Variants in LRP12 observed in about 807,000 individuals in gnomAD.
The protein encoded by LRP12 is low-density lipoprotein receptor-related protein 12.
In LRP12, 14 loss-of-function variants were observed where a neutral mutation model predicts 66.0. The ratio of observed to expected loss-of-function variants is 0.21; its 90% CI spans 0.14 to 0.33. LRP12 has a LOEUF of 0.33. Ranked by LOEUF, LRP12 falls within the 10% of genes least tolerant of loss-of-function variation. The pLI, the probability that LRP12 is intolerant of heterozygous loss-of-function variation, is 1.00. For missense variants in LRP12, 889 were observed against 1,053.4 expected (o/e 0.84, Z 2.16); for synonymous variants, 357 against 359.1 (o/e 0.99, Z 0.07).
At chr8:104,575,475 C>G (rs956063502) in intron 1 of LRP12, among the ~76,000 whole-genome samples, 2 of 152,166 alleles carry the variant, frequency 1.3e-5, no homozygotes, top group African/African-American at 2.4e-5. Flanking sequence ...CAATACAAGT[C>G]CCCCAGAGTT....
chr8:104,548,283 T>C (rs1374439177), intron 1 of LRP12, among the ~76,000 whole-genome samples: 1 of 83,610 alleles, frequency 1.2e-5, no homozygotes, highest in Non-Finnish European at 1.9e-5. Flanking sequence ...ATTATATTAA[T>C]ATATCATATA....
chr8:104,490,700 A>G lies in LRP12; in HGVS notation c.2553T>C (p.Ser851=), dbSNP rs768612190. 6.2e-7 allele frequency: 1 copy of G among 1,612,920 alleles called. No individual in the cohort carries two copies. The highest frequency in any genetic ancestry group is 1.1e-5 in the South Asian group (1 of 90,842). ...AACAAAGTAACAAAGCCTCATCATC[A>G]CTCGTTTCGTTTTTCAGTGTTACTT... ...CLEVTLKNET[S]DDEALLLC Residue 851 remains serine, a synonymous_variant, in exon 7 of 7, where the codon AGT becomes AGC. Coordinates refer to ENST00000276654, the MANE Select transcript of LRP12 (RefSeq NM_013437.5).
Position 104,581,304 on chromosome 8 carries a change from C to G in LRP12, c.79+7515G>C, listed in dbSNP as rs569130224. Among the ~76,000 whole-genome samples the G allele has an allele frequency of 1.2e-3, 184 of 151,840 alleles. 3 individuals carry two copies. The Middle Eastern group carries it at 0.034, about 28-fold the overall frequency. The stretch of plus-strand genomic sequence containing the variant: ...GCCTGTCAGAAGGTGGCGGGTGGGA[C>G]AAAGGAGAGGATCAGAAAAAATAAC... On this transcript the variant is annotated intron_variant, in intron 1 of 6. Transcript: ENST00000276654.
At chr8:104,512,761 T>A (rs1811016942) in intron 2 of LRP12, among the ~76,000 whole-genome samples, 1 of 152,146 alleles carries the variant, frequency 6.6e-6, no homozygotes, top group African/African-American at 2.4e-5. Flanking sequence ...CTGAAGATTC[T>A]AGTATGGTAC....
intron 1 of LRP12, among the ~76,000 whole-genome samples, chr8:104,561,313 A>G (rs1275958606): frequency 6.6e-6 from 1 of 152,200 alleles, no homozygotes; most frequent in Non-Finnish European, 1.5e-5. Flanking sequence ...TGACAGAAGA[A>G]GACATACACT....
chr8:104,493,044 C>T (rs1810662152), intron 6 of LRP12, among the ~76,000 whole-genome samples: 1 of 152,162 alleles, frequency 6.6e-6, no homozygotes, highest in Non-Finnish European at 1.5e-5. Context: ...ATGCCTTCAA[C>T]ATACTTTATT....
chr8:104,503,503 T>C (rs966817329), intron 3 of LRP12, among the ~76,000 whole-genome samples: 1 of 152,272 alleles, frequency 6.6e-6, no homozygotes, highest in East Asian at 1.9e-4. Context: ...TAGTACTTTG[T>C]GTAATAAAAG....
In LRP12 at chr8:104,555,323, A is replaced by G. The variant is rs549072542; in HGVS notation, c.80-23360T>C. 2.0e-5 allele frequency among the ~76,000 whole-genome samples: 3 copies of G among 152,326 alleles called. No homozygotes were observed. The South Asian group carries it at 6.2e-4, about 32-fold the overall frequency. ...AAAGAATAGTACCTCGCATTTCAATACCAACATCGAAGGTAAATGGCCTAA... is the reference window on the plus strand; with the variant it reads ...AAAGAATAGTACCTCGCATTTCAATGCCAACATCGAAGGTAAATGGCCTAA... On this transcript the variant is annotated intron_variant, in intron 1 of 6. Coordinates refer to ENST00000276654, the MANE Select transcript of LRP12 (RefSeq NM_013437.5).
chr8:104,576,366 G>A lies in LRP12; in HGVS notation c.79+12453C>T, dbSNP rs112005679. 4.9e-3 allele frequency among the ~76,000 whole-genome samples: 746 copies of A among 152,180 alleles called. 8 individuals carry two copies. The highest frequency in any genetic ancestry group is 0.017 in the African/African-American group (707 of 41,506). The stretch of plus-strand genomic sequence containing the variant: ...AGAAAAAATATTAAAGGTAGCTAGA[G>A]AGAAAAAGCAGGTCACCTACAAAGG... On this transcript the variant is annotated intron_variant, in intron 1 of 6. Transcript: ENST00000276654.
At chr8:104,492,666 T>C (rs1414296666) in intron 6 of LRP12, among the ~76,000 whole-genome samples, 1 of 152,170 alleles carries the variant, frequency 6.6e-6, no homozygotes, top group East Asian at 1.9e-4. Flanking sequence ...GCTTTCCATA[T>C]AGGCCCTTCC....
chr8:104,490,421 AC>A lies in LRP12; in HGVS notation c.*251del, dbSNP rs1810598025. 4 of 397,416 alleles carry A rather than the reference AC, an allele frequency of 1.0e-5. No individual in the cohort carries two copies. In the South Asian group the frequency reaches 1.6e-4, roughly 16 times the overall value. 24.6% of individuals were successfully genotyped at this position (397,416 alleles called of 1,614,324 possible). A position where few individuals can be genotyped will look rare whatever the true frequency, so the allele number is the denominator to read the frequency against. On this transcript the variant is annotated 3_prime_UTR_variant, in exon 7 of 7. Transcript: ENST00000276654. ...AGTGAACTACAGTATCAGGATGAAA[AC>A]AATCAGAAACAAATGAAAGGACATT... is the stretch of plus-strand genomic sequence containing the variant.
chr8:104,500,782 T>C (rs1372071577), intron 3 of LRP12, among the ~76,000 whole-genome samples: 1 of 151,998 alleles, frequency 6.6e-6, no homozygotes, highest in Non-Finnish European at 1.5e-5. Flanking sequence ...AACAAGAATT[T>C]CTCTAGGACA....
At chr8:104,539,643 T>A (rs561137921) in intron 1 of LRP12, among the ~76,000 whole-genome samples, 1 of 152,264 alleles carries the variant, frequency 6.6e-6, no homozygotes, top group Admixed American at 6.5e-5. Flanking sequence ...CCTCTCAGTA[T>A]CTTAATCTAG....
At chr8:104,565,240 A>G (rs969616789) in intron 1 of LRP12, among the ~76,000 whole-genome samples, 1 of 152,170 alleles carries the variant, frequency 6.6e-6, no homozygotes, top group African/African-American at 2.4e-5. Flanking sequence ...CACAATAAGT[A>G]TTTTAGAATA....
chr8:104,587,857 TC>T (rs1812358335), intron 1 of LRP12, among the ~76,000 whole-genome samples: 1 of 152,154 alleles, frequency 6.6e-6, no homozygotes, highest in Non-Finnish European at 1.5e-5. Context: ...AGAGCAACAC[TC>T]CAAAAAGGAA....
chr8:104,517,272 G>A (rs2140849886), intron 2 of LRP12, among the ~76,000 whole-genome samples: 1 of 151,162 alleles, frequency 6.6e-6, no homozygotes, highest in Non-Finnish European at 1.5e-5. Context: ...TAGACATGGT[G>A]TAATTAAACA....
At chr8:104,510,576 G>A (rs534308270) in intron 2 of LRP12, among the ~76,000 whole-genome samples, 1 of 152,160 alleles carries the variant, frequency 6.6e-6, no homozygotes, top group Non-Finnish European at 1.5e-5. Flanking sequence ...AATACGTGAT[G>A]TTTAAGCCTT....
intron 2 of LRP12, among the ~76,000 whole-genome samples, chr8:104,513,104 A>C (rs1811021171): frequency 6.6e-6 from 1 of 152,178 alleles, no homozygotes; most frequent in Admixed American, 6.5e-5. Context: ...GAGTATGTAG[A>C]CAAATATGCT....
At chr8:104,532,008 A>G (rs1811331146) in intron 1 of LRP12, 45 bp from the exon 2 acceptor site, 2 of 1,348,034 alleles carry the variant, frequency 1.5e-6, no homozygotes, top group Admixed American at 4.6e-5. Flanking sequence ...AGATAAAATT[A>G]CAAAATTTTT....
Sources: gnomAD v4.1 joint callset for allele counts (sites outside exome capture counted in the v4.1 genomes callset) on GRCh38, gnomAD v4.1.1 for gene constraint, MANE v1.5 for transcripts, NCBI Gene and HGNC (gene_info 2026-07-23, HGNC 2026-07-21) for gene names.